The following GFRA1 variants were observed in gnomAD, a reference collection of about 807,000 sequenced individuals.
The protein encoded by GFRA1 is GDNF family receptor alpha 1.
In GFRA1, 16 loss-of-function variants were observed where a neutral mutation model predicts 51.6. The ratio of observed to expected loss-of-function variants is 0.31; its 90% CI spans 0.21 to 0.47. GFRA1 has a LOEUF of 0.47. Among genes scored for constraint, GFRA1 ranks in the 20% least tolerant of loss-of-function variants. GFRA1 has a pLI of 1.00. For missense variants in GFRA1, 530 were observed against 594.3 expected, an observed-to-expected ratio of 0.89 and a Z score of 1.13; for synonymous variants, 270 against 241.3, an observed-to-expected ratio of 1.12 and a Z score of -1.10.
chr10:116,105,166 T>C (rs1439252447), intron 6 of GFRA1, among the ~76,000 whole-genome samples: 2 of 152,242 alleles, frequency 1.3e-5, no homozygotes, highest in Non-Finnish European at 2.9e-5. Flanking sequence ...GAAAGGATCA[T>C]AAAGCTCTCA....
At position 116,272,336 on chromosome 10, in the gene GFRA1, A is replaced by C. The variant is rs1589931025; in HGVS notation, c.-246-61T>G. The C allele has an allele frequency of 6.2e-6, 3 of 484,854 alleles. No individual in the cohort carries two copies. The highest frequency in any genetic ancestry group is 1.1e-5 in the Non-Finnish European group (3 of 266,884). The allele number at this position is 484,854 out of a possible 1,614,324, so 30.0% of individuals were successfully genotyped here. ...GAGCGCCGGAGACTCCCCCCACAGA[A>C]CCCTCTCCCCTCCCCCGTTCCCGCC... On this transcript the variant is annotated intron_variant, in intron 1 of 10. Transcript: ENST00000355422. This position sits in a 1 kb window ranked among gnomAD's most constrained non-coding sequence, Gnocchi z 4.4.
At chr10:116,256,513 G>T (rs1263901031) in intron 4 of GFRA1, among the ~76,000 whole-genome samples, 2 of 152,158 alleles carry the variant, frequency 1.3e-5, no homozygotes, top group Non-Finnish European at 2.9e-5. Flanking sequence ...TGGGTGCAGG[G>T]TAGGACACAC....
At chr10:116,071,203 A>C (rs1955375147) in intron 9 of GFRA1, among the ~76,000 whole-genome samples, 1 of 152,182 alleles carries the variant, frequency 6.6e-6, no homozygotes, top group Non-Finnish European at 1.5e-5. Flanking sequence ...GGGCTGGAGT[A>C]GCCCTGGGTG....
chr10:116,186,768 C>A (rs951144910), intron 5 of GFRA1, among the ~76,000 whole-genome samples: 16 of 152,228 alleles, frequency 1.1e-4, no homozygotes, highest in Admixed American at 9.2e-4. Context: ...AAATAAGATT[C>A]TCTTGACAAA....
intron 6 of GFRA1, among the ~76,000 whole-genome samples, chr10:116,112,611 C>T (rs1000000765): frequency 6.6e-6 from 1 of 152,190 alleles, no homozygotes; most frequent in African/African-American, 2.4e-5. Flanking sequence ...TTCTGCCTGA[C>T]TGAGCTGAAT....
At chr10:116,236,588 A>G (rs1966886537) in intron 4 of GFRA1, among the ~76,000 whole-genome samples, 2 of 152,192 alleles carry the variant, frequency 1.3e-5, no homozygotes, top group South Asian at 4.1e-4. Context: ...ATAAACCCCT[A>G]ATGTATATAC....
intron 6 of GFRA1, among the ~76,000 whole-genome samples, chr10:116,107,292 G>A (rs1301948719): frequency 6.6e-6 from 1 of 152,042 alleles, no homozygotes; most frequent in East Asian, 1.9e-4. Context: ...TTCTTCTCTG[G>A]ACCAGCCCAG....
At chr10:116,144,488 T>A (rs1958709645) in intron 5 of GFRA1, among the ~76,000 whole-genome samples, 1 of 151,950 alleles carries the variant, frequency 6.6e-6, no homozygotes, top group African/African-American at 2.4e-5. Context: ...CAAAACGTAC[T>A]CCTTTCTTGT....
intron 9 of GFRA1, among the ~76,000 whole-genome samples, chr10:116,076,220 C>G (rs1955613924): frequency 6.6e-6 from 1 of 152,114 alleles, no homozygotes; most frequent in Non-Finnish European, 1.5e-5. Context: ...GAGGAGACAA[C>G]AGCTGAAGCC....
intron 9 of GFRA1, among the ~76,000 whole-genome samples, chr10:116,078,093 G>A (rs879656750): frequency 1.3e-5 from 2 of 152,144 alleles, no homozygotes; most frequent in Admixed American, 1.3e-4. Context: ...TGGCCCCCAA[G>A]ATTAAATTCC....
At chr10:116,207,653 A>G (rs767322114) in intron 5 of GFRA1, among the ~76,000 whole-genome samples, 1 of 152,198 alleles carries the variant, frequency 6.6e-6, no homozygotes, top group Non-Finnish European at 1.5e-5. Flanking sequence ...CATATGATAC[A>G]CACATGTACG....
rs1236772723 is a variant in GFRA1, at chr10:116,147,306, G to C, written c.434-21749C>G. 2.0e-5 allele frequency among the ~76,000 whole-genome samples: 3 copies of C among 152,264 alleles called. No individual in the cohort carries two copies. In the South Asian group the frequency reaches 6.2e-4, roughly 32 times the overall value. ...CTTTGAGAGAGCCCTTTGGCCCTAG[G>C]GGGAGGGGAGTAGTAGGAGGGGCAG... On this transcript the variant is annotated intron_variant, in intron 5 of 10. Coordinates refer to ENST00000355422, the MANE Select transcript of GFRA1 (RefSeq NM_005264.8).
At chr10:116,127,138 A>G (rs1565595327) in intron 5 of GFRA1, among the ~76,000 whole-genome samples, 2 of 152,126 alleles carry the variant, frequency 1.3e-5, no homozygotes, top group Non-Finnish European at 2.9e-5. Context: ...TTCAAAGGGA[A>G]TAAAGTTTGA....
Position 116,255,539 on chromosome 10 carries a change from C to T in GFRA1, c.418+13964G>A, listed in dbSNP as rs144206842. ...AAAAACACTAGGTTTCCACCATGTT[C>T]ACATCCACTCAACACAGGACTAGCA... On this transcript the variant is annotated intron_variant, in intron 4 of 10. Coordinates refer to ENST00000355422, the MANE Select transcript of GFRA1 (RefSeq NM_005264.8). 1.1e-3 allele frequency: 1,303 copies of T among 1,138,238 alleles called. 13 individuals carry two copies. The highest frequency in any genetic ancestry group is 1.0e-2 in the East Asian group (153 of 15,316). 70.5% of individuals were successfully genotyped at this position (1,138,238 alleles called of 1,614,324 possible). A position where few individuals can be genotyped will look rare whatever the true frequency, so the allele number is the denominator to read the frequency against.
intron 6 of GFRA1, among the ~76,000 whole-genome samples, chr10:116,105,377 A>G (rs1157644863): frequency 6.6e-6 from 1 of 152,230 alleles, no homozygotes; most frequent in Non-Finnish European, 1.5e-5. Context: ...AGACCAACAC[A>G]GTGTGAGCTT....
intron 4 of GFRA1, among the ~76,000 whole-genome samples, chr10:116,246,356 G>A (rs145285476): frequency 2.0e-5 from 3 of 152,218 alleles, no homozygotes; most frequent in African/African-American, 4.8e-5. Context: ...GCTTGAACCC[G>A]GGAGGCAGAG....
chr10:116,196,510 T>C (rs1019049379), intron 5 of GFRA1, among the ~76,000 whole-genome samples: 1 of 136,450 alleles, frequency 7.3e-6, no homozygotes, highest in Non-Finnish European at 1.5e-5. Context: ...ATATATAATA[T>C]ATATTTATAA....
intron 5 of GFRA1, among the ~76,000 whole-genome samples, chr10:116,163,115 C>A (rs559225439): frequency 6.6e-6 from 1 of 152,060 alleles, no homozygotes; most frequent in African/African-American, 2.4e-5. Context: ...ATGTAATGAC[C>A]CATAAGAGGA....
chr10:116,157,630 A>G (rs533404610), intron 5 of GFRA1, among the ~76,000 whole-genome samples: 1 of 151,930 alleles, frequency 6.6e-6, no homozygotes, highest in South Asian at 2.1e-4. Context: ...ATCCTCACCA[A>G]TCCACCCTCT....
Sources: allele counts gnomAD v4.1 joint callset (sites outside exome capture counted in the v4.1 genomes callset), GRCh38; gene constraint gnomAD v4.1.1; non-coding constraint Gnocchi (gnomAD v3.1); transcripts MANE v1.5; gene names NCBI Gene and HGNC (gene_info 2026-07-23, HGNC 2026-07-21).